Variants in PGS1 observed in about 807,000 individuals in gnomAD.
The protein encoded by PGS1 is CDP-diacylglycerol--glycerol-3-phosphate 3-phosphatidyltransferase, mitochondrial.
Under a neutral mutation model 58.3 loss-of-function variants are expected in PGS1, and 44 were observed. The observed-to-expected ratio is 0.75, with a 90% confidence interval of 0.59 to 0.97. The LOEUF (loss-of-function observed/expected upper bound fraction) is 0.97, where lower values mean the gene tolerates loss of function less well. PGS1 is among the 50% of genes least tolerant of loss of function. PGS1 has a pLI of 0.00. For synonymous variants in PGS1, 330 were observed against 311.0 expected, an observed-to-expected ratio of 1.06 and a Z score of -0.64; for missense variants, 684 against 731.1, an observed-to-expected ratio of 0.94 and a Z score of 0.74.
At chr17:78,406,118 C>A (rs1042945188) in intron 7 of PGS1, among the ~76,000 whole-genome samples, 13 of 152,092 alleles carry the variant, frequency 8.5e-5, no homozygotes, top group African/African-American at 3.1e-4. Flanking sequence ...AGATCCAGAC[C>A]ATTCTGGCTA....
At chr17:78,384,916 G>T (rs2082273906) in intron 1 of PGS1, among the ~76,000 whole-genome samples, 1 of 147,872 alleles carries the variant, frequency 6.8e-6, no homozygotes, top group Non-Finnish European at 1.5e-5. Context: ...TAATTCCCTG[G>T]TGTTTGCTTG....
chr17:78,392,769 A>G (rs1300243475), intron 2 of PGS1, 104 bp downstream of exon 2: 2 of 853,256 alleles, frequency 2.3e-6, no homozygotes, highest in African/African-American at 1.7e-5. Context: ...TAGCTGCTCA[A>G]GCTTATTCCT....
intron 5 of PGS1, chr17:78,399,814 T>G (rs2083516605): frequency 2.0e-6 from 1 of 497,028 alleles, no homozygotes; most frequent in East Asian, 3.6e-5. Context: ...TCTGTAGTAT[T>G]TTCCTCACTG....
At position 78,392,587 on chromosome 17, in the gene PGS1, C is replaced by G; in HGVS notation, c.255C>G (p.Asn85Lys). ...EGVHRFQWIRNLVPEFGVSSS... is the reference protein window; with the variant it reads ...EGVHRFQWIRKLVPEFGVSSS... ...TGCACCGGTTCCAGTGGATCAGAAA[C>G]CTGGTTCCAGAATTTGGAGTCTCCA... The change falls in exon 2 of 10, where the codon AAC (asparagine) becomes AAG (lysine). Residue 85 changes from asparagine (N) to lysine (K), a missense_variant. Transcript: ENST00000262764. The G allele has an allele frequency of 6.2e-7, 1 of 1,614,202 alleles. No individual in the cohort carries two copies. Among genetic ancestry groups the G allele is most frequent in the Non-Finnish European group, 8.5e-7 (1 of 1,180,020 alleles).
intron 9 of PGS1, chr17:78,420,362 G>A: frequency 2.8e-6 from 1 of 362,182 alleles, no homozygotes; most frequent in Non-Finnish European, 3.8e-6. Context: ...GGTCCGGGCA[G>A]GGGGTGGCTG....
intron 2 of PGS1, among the ~76,000 whole-genome samples, chr17:78,394,211 T>C (rs564800000): frequency 1.8e-4 from 27 of 146,902 alleles, no homozygotes; most frequent in African/African-American, 6.8e-4. Flanking sequence ...AATGAAGGTC[T>C]GATGGGGCCA....
chr17:78,409,776 G>T (rs1191659066), intron 7 of PGS1, among the ~76,000 whole-genome samples: 1 of 152,226 alleles, frequency 6.6e-6, no homozygotes, highest in Non-Finnish European at 1.5e-5. Context: ...AGGAGTATGT[G>T]TTCATGCATG....
chr17:78,379,969 C>T (rs1029957539), intron 1 of PGS1, among the ~76,000 whole-genome samples: 8 of 151,484 alleles, frequency 5.3e-5, no homozygotes, highest in Admixed American at 5.3e-4. Flanking sequence ...CAGGTTCAAG[C>T]GATTCTCCTG....
chr17:78,393,185 C>T (rs1018345208), intron 2 of PGS1, among the ~76,000 whole-genome samples: 13 of 152,210 alleles, frequency 8.5e-5, no homozygotes, highest in Middle Eastern at 6.8e-3. Flanking sequence ...CTCAGCCTCC[C>T]GCATAGCTGG....
chr17:78,418,172 C>G (rs2085368093), intron 8 of PGS1, among the ~76,000 whole-genome samples: 1 of 152,074 alleles, frequency 6.6e-6, no homozygotes, highest in Admixed American at 6.5e-5. Flanking sequence ...TCAAGTGATC[C>G]TCCCACCTTG....
At chr17:78,407,231 C>T (rs2146260459) in intron 7 of PGS1, among the ~76,000 whole-genome samples, 1 of 152,174 alleles carries the variant, frequency 6.6e-6, no homozygotes, top group South Asian at 2.1e-4. Context: ...GTGGAGGGGG[C>T]TGCTGCTGAG....
chr17:78,379,845 T>G (rs1323670592), intron 1 of PGS1, among the ~76,000 whole-genome samples: 3 of 151,512 alleles, frequency 2.0e-5, no homozygotes, highest in Non-Finnish European at 4.4e-5. Context: ...AAAAAAATTC[T>G]CTTGTGTGCA....
chr17:78,389,480 C>T (rs547530829), intron 1 of PGS1, among the ~76,000 whole-genome samples: 68 of 151,696 alleles, frequency 4.5e-4, no homozygotes, highest in African/African-American at 1.0e-3. Flanking sequence ...CCACCATGCC[C>T]GGCCCAATTT....
At chr17:78,404,786 G>A (rs2083984337) in intron 7 of PGS1, among the ~76,000 whole-genome samples, 4 of 151,658 alleles carry the variant, frequency 2.6e-5, no homozygotes, top group Admixed American at 1.3e-4. Context: ...TCAGCCTTCC[G>A]AGTAGATGGG....
rs1470422395 is a variant in PGS1, at chr17:78,419,650, C to T, written c.1656C>T (p.Ile552=). The T allele has an allele frequency of 1.5e-5, 25 of 1,613,926 alleles. No homozygotes were observed. Among genetic ancestry groups the T allele is most frequent in the Non-Finnish European group, 2.1e-5 (25 of 1,179,966 alleles). ...GGGTGAAGATGGTGACTCCACTGAT[C>T]AAGAACTTCTTCTGAGGACAGACAG... ...KLWVKMVTPL[I]KNFF Residue 552 remains isoleucine (I), a synonymous_variant, in exon 9 of 10, where the codon ATC becomes ATT. Transcript: ENST00000262764.
chr17:78,418,621 T>G (rs1412211120), intron 8 of PGS1, among the ~76,000 whole-genome samples: 1 of 152,246 alleles, frequency 6.6e-6, no homozygotes, highest in Non-Finnish European at 1.5e-5. Context: ...CAGTTTTTCC[T>G]TGTTATAAAT....
At chr17:78,420,277 C>A in intron 9 of PGS1, 1 of 961,160 alleles carries the variant, frequency 1.0e-6, no homozygotes, top group Non-Finnish European at 1.2e-6. Context: ...CCAGGAGGGG[C>A]CTGCCGCTTC....
At chr17:78,381,077 C>T (rs954605706) in intron 1 of PGS1, 1 of 152,212 alleles carries the variant, frequency 6.6e-6, no homozygotes. Flanking sequence ...ATCTCCTGAC[C>T]TTGTAACCTG....
At chr17:78,409,677 C>T (rs2084462288) in intron 7 of PGS1, among the ~76,000 whole-genome samples, 1 of 152,194 alleles carries the variant, frequency 6.6e-6, no homozygotes. Context: ...AAGGATAAGC[C>T]TGTGATGTCT....
Sources: allele counts gnomAD v4.1 joint callset (sites outside exome capture counted in the v4.1 genomes callset), GRCh38; gene constraint gnomAD v4.1.1; transcripts MANE v1.5; gene names NCBI Gene and HGNC (gene_info 2026-07-23, HGNC 2026-07-21).